Variants in PURA observed in about 807,000 individuals in gnomAD.
The protein encoded by PURA is purine rich element binding protein A.
A neutral mutation model predicts 23.1 loss-of-function variants in PURA; 2 were observed. That is an observed-to-expected ratio of 0.09 (90% CI 0.04 to 0.27). The LOEUF (loss-of-function observed/expected upper bound fraction) is 0.27, where lower values mean the gene tolerates loss of function less well. Ranked by LOEUF, PURA falls within the 10% of genes least tolerant of loss-of-function variation. The pLI is 1.00. For synonymous variants in PURA, 254 were observed against 205.9 expected (o/e 1.23, Z -2.00); for missense variants, 187 against 449.7 (o/e 0.42, Z 5.28).
At position 140,115,170 on chromosome 5, in the gene PURA, CACACACACACACATGCAT is replaced by C. The variant is rs1366397450; in HGVS notation, c.*34_*51del. The C allele has an allele frequency of 2.4e-6, 3 of 1,269,884 alleles. No homozygotes were observed. Among genetic ancestry groups the C allele is most frequent in the Non-Finnish European group, 3.2e-6 (3 of 926,584 alleles). 78.7% of individuals were successfully genotyped at this position (1,269,884 alleles called of 1,614,324 possible). On this transcript the variant is annotated 3_prime_UTR_variant, in exon 1 of 1. Transcript: ENST00000331327. This position sits in a 1 kb window ranked among gnomAD's most constrained non-coding sequence, Gnocchi z 4.1. The stretch of plus-strand genomic sequence containing the variant: ...GATTGATCAAACTGAATGAAACCCC[CACACACACACACATGCAT>C]ACACACACACACACAGCCACACACA...
chr5:140,115,978 G>T lies in PURA; in HGVS notation c.*828G>T, dbSNP rs1433267240. ...TAAAAAAGGCATTTAAATGAAATTT[G>T]CTAAGTTGTGATTTTTATGGTTGGA... On this transcript the variant is annotated 3_prime_UTR_variant, in exon 1 of 1. Coordinates refer to ENST00000331327, the MANE Select transcript of PURA (RefSeq NM_005859.5). This position sits in a 1 kb window ranked among gnomAD's most constrained non-coding sequence, Gnocchi z 4.1. The T allele has an allele frequency of 1.8e-5, 3 of 167,184 alleles. No individual in the cohort carries two copies. The highest frequency in any genetic ancestry group is 2.1e-4 in the South Asian group (1 of 4,830). 10.4% of individuals were successfully genotyped at this position (167,184 alleles called of 1,614,324 possible). A position where few individuals can be genotyped will look rare whatever the true frequency, so the allele number is the denominator to read the frequency against.
At position 140,119,744 on chromosome 5, in the gene PURA, TC is replaced by T. The variant is rs1763129574; in HGVS notation, c.*4595del. The T allele has an allele frequency of 6.0e-6, 1 of 166,896 alleles. No individual in the cohort carries two copies. Among genetic ancestry groups the T allele is most frequent in the African/African-American group, 2.4e-5 (1 of 41,434 alleles). 10.3% of individuals were successfully genotyped at this position (166,896 alleles called of 1,614,324 possible). ...TGTTCAAACTTTCTAAACACATTTT[TC>T]TTTTATGACATTTTGGGTTATCTGC... is the stretch of plus-strand genomic sequence containing the variant. On this transcript the variant is annotated 3_prime_UTR_variant, in exon 1 of 1. Coordinates refer to ENST00000331327, the MANE Select transcript of PURA (RefSeq NM_005859.5).
Position 140,121,449 on chromosome 5 carries a change from T to C in PURA, c.*6299T>C, listed in dbSNP as rs1763152516. 6.0e-6 allele frequency: 1 copy of C among 166,878 alleles called. No individual in the cohort carries two copies. Among genetic ancestry groups the C allele is most frequent in the Admixed American group, 6.6e-5 (1 of 15,242 alleles). The allele number at this position is 166,878 out of a possible 1,614,324, so 10.3% of individuals were successfully genotyped here. A position where few individuals can be genotyped will look rare whatever the true frequency, so the allele number is the denominator to read the frequency against. ...CAAACTCCCATTCAGCTGGAGTGGA[T>C]TGGCAATTTTAAATGCAGGTAGTTG... On this transcript the variant is annotated 3_prime_UTR_variant, in exon 1 of 1. Coordinates refer to ENST00000331327, the MANE Select transcript of PURA (RefSeq NM_005859.5).
chr5:140,114,136 GGGCGGAGCGGCAGGCGGC>G lies in PURA; in HGVS notation c.-40_-23del. On this transcript the variant is annotated 5_prime_UTR_variant, in exon 1 of 1. Coordinates refer to ENST00000331327, the MANE Select transcript of PURA (RefSeq NM_005859.5). Reference sequence around the variant, plus strand: ...CGGCGGCTGAGGCGACTGAGGCGGCGGGCGGAGCGGCAGGCGGCGGCGGCGCGGCAGCGGAGCGCAGCA... The same window carrying G: ...CGGCGGCTGAGGCGACTGAGGCGGCGGGCGGCGCGGCAGCGGAGCGCAGCA... 2 of 448,128 alleles carry G rather than the reference GGGCGGAGCGGCAGGCGGC, an allele frequency of 4.5e-6. No individual in the cohort carries two copies. The highest frequency in any genetic ancestry group is 2.1e-5 in the African/African-American group (1 of 47,952). 27.8% of individuals were successfully genotyped at this position (448,128 alleles called of 1,614,324 possible). A position where few individuals can be genotyped will look rare whatever the true frequency, so the allele number is the denominator to read the frequency against.
In PURA at chr5:140,116,157, A is replaced by T. The variant is rs578049483; in HGVS notation, c.*1007A>T. 3.0e-5 allele frequency: 5 copies of T among 167,112 alleles called. No individual in the cohort carries two copies. The highest frequency in any genetic ancestry group is 1.2e-4 in the African/African-American group (5 of 41,534). 10.4% of individuals were successfully genotyped at this position (167,112 alleles called of 1,614,324 possible). On this transcript the variant is annotated 3_prime_UTR_variant, in exon 1 of 1. Transcript: ENST00000331327. ...TCGTTCATAATATATTTTTTTTATT[A>T]TGTGTAGAAAGATTTTAAAAAACTA...
chr5:140,121,399 T>C lies in PURA; in HGVS notation c.*6249T>C, dbSNP rs1157288086. Reference sequence around the variant, plus strand: ...CAATGATAGCCATCAGCTAATGACTTATCAGACACATGTTGAGTTTGGGTC... The same window carrying C: ...CAATGATAGCCATCAGCTAATGACTCATCAGACACATGTTGAGTTTGGGTC... On this transcript the variant is annotated 3_prime_UTR_variant, in exon 1 of 1. Coordinates refer to ENST00000331327, the MANE Select transcript of PURA (RefSeq NM_005859.5). 2 of 166,930 alleles carry C rather than the reference T, an allele frequency of 1.2e-5. No individual in the cohort carries two copies. Among genetic ancestry groups the C allele is most frequent in the Non-Finnish European group, 2.9e-5 (2 of 68,012 alleles). The allele number at this position is 166,930 out of a possible 1,614,324, so 10.3% of individuals were successfully genotyped here.
Position 140,124,946 on chromosome 5 carries a change from A to T in PURA, c.*9796A>T, listed in dbSNP as rs977800511. The stretch of plus-strand genomic sequence containing the variant: ...CCAGTTTGAAGCACTTATTTTCCCA[A>T]TGTGAATAAAGGGAAAAGATCAGCA... On this transcript the variant is annotated 3_prime_UTR_variant, in exon 1 of 1. Coordinates refer to ENST00000331327, the MANE Select transcript of PURA (RefSeq NM_005859.5). 6.0e-6 allele frequency: 1 copy of T among 167,048 alleles called. No homozygotes were observed. Among genetic ancestry groups the T allele is most frequent in the African/African-American group, 2.4e-5 (1 of 41,454 alleles). 10.3% of individuals were successfully genotyped at this position (167,048 alleles called of 1,614,324 possible).
rs1192874043 is a variant in PURA, at chr5:140,118,380, G to A, written c.*3230G>A. 1.2e-5 allele frequency: 2 copies of A among 166,988 alleles called. No homozygotes were observed. Among genetic ancestry groups the A allele is most frequent in the African/African-American group, 4.8e-5 (2 of 41,440 alleles). 10.3% of individuals were successfully genotyped at this position (166,988 alleles called of 1,614,324 possible). A position where few individuals can be genotyped will look rare whatever the true frequency, so the allele number is the denominator to read the frequency against. On this transcript the variant is annotated 3_prime_UTR_variant, in exon 1 of 1. Coordinates refer to ENST00000331327, the MANE Select transcript of PURA (RefSeq NM_005859.5). The stretch of plus-strand genomic sequence containing the variant: ...AGAGATCAGCCACCAGATTTGAAAT[G>A]CTTATGTATGTGTGTGTGTTTGGAG...
At position 140,117,534 on chromosome 5, in the gene PURA, A is replaced by G. The variant is rs1228233086; in HGVS notation, c.*2384A>G. On this transcript the variant is annotated 3_prime_UTR_variant, in exon 1 of 1. Coordinates refer to ENST00000331327, the MANE Select transcript of PURA (RefSeq NM_005859.5). ...TAAGCCTTGTACTACAGGTTGTTGGAGTACTCCTAGATCACTGTTTCATAG... is the reference window on the plus strand; with the variant it reads ...TAAGCCTTGTACTACAGGTTGTTGGGGTACTCCTAGATCACTGTTTCATAG... The G allele has an allele frequency of 6.0e-6, 1 of 167,070 alleles. No individual in the cohort carries two copies. Among genetic ancestry groups the G allele is most frequent in the African/African-American group, 2.4e-5 (1 of 41,452 alleles). The allele number at this position is 167,070 out of a possible 1,614,324, so 10.3% of individuals were successfully genotyped here.
chr5:140,115,244 A>C lies in PURA; in HGVS notation c.*94A>C. ...AATATACTGTAAAGAAAGAGAGAAA[A>C]TAAAAAGTTAAAAAGTTAAAAAAAA... On this transcript the variant is annotated 3_prime_UTR_variant, in exon 1 of 1. Coordinates refer to ENST00000331327, the MANE Select transcript of PURA (RefSeq NM_005859.5). This position sits in a 1 kb window ranked among gnomAD's most constrained non-coding sequence, Gnocchi z 4.1. 4 of 844,760 alleles carry C rather than the reference A, an allele frequency of 4.7e-6. No individual in the cohort carries two copies. The highest frequency in any genetic ancestry group is 6.7e-6 in the Non-Finnish European group (4 of 601,162). 52.3% of individuals were successfully genotyped at this position (844,760 alleles called of 1,614,324 possible).
rs1375008774 is a variant in PURA, at chr5:140,123,457, A to G, written c.*8307A>G. 1 of 166,974 alleles carries G rather than the reference A, an allele frequency of 6.0e-6. No homozygotes were observed. Among genetic ancestry groups the G allele is most frequent in the Non-Finnish European group, 1.5e-5 (1 of 68,082 alleles). 10.3% of individuals were successfully genotyped at this position (166,974 alleles called of 1,614,324 possible). A position where few individuals can be genotyped will look rare whatever the true frequency, so the allele number is the denominator to read the frequency against. ...ACTTGATTTTTTGAAAGTTAAGGCT[A>G]GTCACTTTCACTTTTGTTTCTAGTC... On this transcript the variant is annotated 3_prime_UTR_variant, in exon 1 of 1. Transcript: ENST00000331327.
chr5:140,123,386 G>T lies in PURA; in HGVS notation c.*8236G>T, dbSNP rs1027756031. On this transcript the variant is annotated 3_prime_UTR_variant, in exon 1 of 1. Coordinates refer to ENST00000331327, the MANE Select transcript of PURA (RefSeq NM_005859.5). ...TGCAAAAGCAGGAAAGACTAAAGTT[G>T]CCTGTAAAATTTCTAGTTTTCATTA... 8 of 166,904 alleles carry T rather than the reference G, an allele frequency of 4.8e-5. No homozygotes were observed. The highest frequency in any genetic ancestry group is 3.3e-4 in the Admixed American group (5 of 15,276). The allele number at this position is 166,904 out of a possible 1,614,324, so 10.3% of individuals were successfully genotyped here.
Position 140,114,587 on chromosome 5 carries a change from C to G in PURA, c.406C>G (p.Gln136Glu). 1 of 1,602,400 alleles carries G rather than the reference C, an allele frequency of 6.2e-7. No individual in the cohort carries two copies. The highest frequency in any genetic ancestry group is 8.5e-7 in the Non-Finnish European group (1 of 1,176,614). The change falls in exon 1 of 1, where the codon CAG becomes GAG. Residue 136 changes from glutamine (Q) to glutamate (E), a missense_variant. Physicochemically the swap from Gln to Glu is conservative, Grantham distance 29 (BLOSUM62 2). Around this residue, in one of 9 missense-constraint regions of PURA, gnomAD observed 26 missense variants for 29.1 expected, o/e 0.89. Transcript: ENST00000331327. ...PSQPPDLAQA[Q>E]DEPRRALKSE... ...CCAGCCGCCGGACCTGGCCCAGGCG[C>G]AGGACGAGCCGCGCCGGGCGCTCAA...
In PURA at chr5:140,122,073, C is replaced by A. The variant is rs575103934; in HGVS notation, c.*6923C>A. ...GGGTCCCTCATTGATTATGAGAAAG[C>A]TGTTAGTTACTATAGCTAGAGTTAT... On this transcript the variant is annotated 3_prime_UTR_variant, in exon 1 of 1. Coordinates refer to ENST00000331327, the MANE Select transcript of PURA (RefSeq NM_005859.5). 1 of 166,868 alleles carries A rather than the reference C, an allele frequency of 6.0e-6. No homozygotes were observed. Among genetic ancestry groups the A allele is most frequent in the East Asian group, 1.9e-4 (1 of 5,182 alleles). 10.3% of individuals were successfully genotyped at this position (166,868 alleles called of 1,614,324 possible). A position where few individuals can be genotyped will look rare whatever the true frequency, so the allele number is the denominator to read the frequency against.
Position 140,122,173 on chromosome 5 carries a change from T to G in PURA, c.*7023T>G, listed in dbSNP as rs904728055. ...CTTTTCTGGGACAAATTAGCACAAT[T>G]GTGGAATGACAGCTTTTCTGGTCAA... On this transcript the variant is annotated 3_prime_UTR_variant, in exon 1 of 1. Coordinates refer to ENST00000331327, the MANE Select transcript of PURA (RefSeq NM_005859.5). 1 of 166,884 alleles carries G rather than the reference T, an allele frequency of 6.0e-6. No individual in the cohort carries two copies. Among genetic ancestry groups the G allele is most frequent in the Non-Finnish European group, 1.5e-5 (1 of 67,990 alleles). 10.3% of individuals were successfully genotyped at this position (166,884 alleles called of 1,614,324 possible).
rs1217488581 is a variant in PURA, at chr5:140,121,036, T to G, written c.*5886T>G. On this transcript the variant is annotated 3_prime_UTR_variant, in exon 1 of 1. Coordinates refer to ENST00000331327, the MANE Select transcript of PURA (RefSeq NM_005859.5). ...TTCACTCATTTTGGAATCACAGGAT[T>G]TTCATGTTTTCATAAATACACACAT... is the stretch of plus-strand genomic sequence containing the variant. The G allele has an allele frequency of 6.0e-6, 1 of 166,906 alleles. No individual in the cohort carries two copies. The highest frequency in any genetic ancestry group is 1.5e-5 in the Non-Finnish European group (1 of 67,976). The allele number at this position is 166,906 out of a possible 1,614,324, so 10.3% of individuals were successfully genotyped here. A position where few individuals can be genotyped will look rare whatever the true frequency, so the allele number is the denominator to read the frequency against.
At position 140,124,718 on chromosome 5, in the gene PURA, TA is replaced by T; in HGVS notation, c.*9569del. The T allele has an allele frequency of 6.0e-6, 1 of 167,164 alleles. No homozygotes were observed. The highest frequency in any genetic ancestry group is 1.9e-4 in the East Asian group (1 of 5,192). The allele number at this position is 167,164 out of a possible 1,614,324, so 10.4% of individuals were successfully genotyped here. On this transcript the variant is annotated 3_prime_UTR_variant, in exon 1 of 1. Coordinates refer to ENST00000331327, the MANE Select transcript of PURA (RefSeq NM_005859.5). The stretch of plus-strand genomic sequence containing the variant: ...GTTAAAGATTCACATCATTAAGAGT[TA>T]TCTAACTTTTATGTTGTCAAATCTT...
Position 140,118,616 on chromosome 5 carries a change from G to T in PURA, c.*3466G>T. 1 of 167,008 alleles carries T rather than the reference G, an allele frequency of 6.0e-6. No individual in the cohort carries two copies. The allele number at this position is 167,008 out of a possible 1,614,324, so 10.3% of individuals were successfully genotyped here. ...GTCGGCTTTTCCTCTACTAGATACA[G>T]ATTGGAGGTAGATGAATATTTGCCA... On this transcript the variant is annotated 3_prime_UTR_variant, in exon 1 of 1. Coordinates refer to ENST00000331327, the MANE Select transcript of PURA (RefSeq NM_005859.5).
At position 140,116,370 on chromosome 5, in the gene PURA, G is replaced by A. The variant is rs1287067137; in HGVS notation, c.*1220G>A. On this transcript the variant is annotated 3_prime_UTR_variant, in exon 1 of 1. Transcript: ENST00000331327. ...ATTATAGTTATCCTACTGAGCCATG[G>A]ATTCTGAGTTTTGTTTTAAAAGTGA... 6.0e-6 allele frequency: 1 copy of A among 167,062 alleles called. No individual in the cohort carries two copies. The highest frequency in any genetic ancestry group is 2.4e-5 in the African/African-American group (1 of 41,422). The allele number at this position is 167,062 out of a possible 1,614,324, so 10.3% of individuals were successfully genotyped here.
Sources: gnomAD v4.1 joint callset for allele counts on GRCh38, gnomAD v4.1.1 for gene constraint, gnomAD v4.1.1 regional missense constraint, Gnocchi (gnomAD v3.1) non-coding constraint, MANE v1.5 for transcripts, NCBI Gene and HGNC (gene_info 2026-07-23, HGNC 2026-07-21) for gene names.